GGCX: variants seen among roughly 807,000 people sequenced by gnomAD.
GGCX encodes the protein vitamin K-dependent gamma-carboxylase.
Under a neutral mutation model 88.5 loss-of-function variants are expected in GGCX, and 63 were observed. The ratio of observed to expected loss-of-function variants is 0.71; its 90% CI spans 0.58 to 0.88. The LOEUF is 0.88. Among genes scored for constraint, GGCX ranks in the 40% least tolerant of loss-of-function variants. GGCX has a pLI of 0.00. For missense variants in GGCX, 805 were observed against 932.9 expected (o/e 0.86, Z 1.79); for synonymous variants, 368 against 365.8 (o/e 1.01, Z -0.07).
rs982136375 is a variant in GGCX at position 85,551,513 on chromosome 2, C to T, written c.1707G>A (p.Lys569=). The change falls in exon 12 of 15, where the codon AAG becomes AAA. Residue 569 remains lysine, a synonymous_variant. Transcript: ENST00000233838. ...TTTCTCCCTCTCGAAGAGTCTGGTT[C>T]TTCTGTTCTGCCACAAGCTCCACAG... is the stretch of plus-strand genomic sequence containing the variant. ...EVTVELVAEQ[K]NQTLREGEKM... 3 of 1,614,104 alleles carry T rather than the reference C, an allele frequency of 1.9e-6. No homozygotes were observed. The highest frequency in any genetic ancestry group is 1.1e-5 in the South Asian group (1 of 91,066).
rs745689270 is a variant in GGCX at position 85,560,995 on chromosome 2, A to G, written c.44-10T>C. 5.0e-6 allele frequency: 8 copies of G among 1,609,324 alleles called. No homozygotes were observed. The highest frequency in any genetic ancestry group is 6.0e-6 in the Non-Finnish European group (7 of 1,175,630). ...TCTTTCTGTACTTTATCTGCAATCA[A>G]TAAATGGAGAAAATATGTGTGCGGG... On this transcript the variant is annotated splice_polypyrimidine_tract_variant and intron_variant, in intron 1 of 14. Coordinates refer to ENST00000233838, the MANE Select transcript of GGCX (RefSeq NM_000821.7).
At chr2:85,553,861 A>G (rs1420901061) in intron 7 of GGCX, 2 of 490,990 alleles carry the variant, frequency 4.1e-6, no homozygotes, top group East Asian at 8.0e-5. Flanking sequence ...TCGGCCTCCC[A>G]AAGTGCTAGG....
At position 85,548,610 on chromosome 2, in the gene GGCX, A is replaced by G. The variant is rs757965941; in HGVS notation, c.*1324T>C. On this transcript the variant is annotated 3_prime_UTR_variant, in exon 15 of 15. Transcript: ENST00000233838. ...GAAGAGAAGCCTGCAAAGAGATGCA[A>G]TCATTTACAGAAGTTACTGAGACTG... 1 of 152,204 alleles carries G rather than the reference A, an allele frequency of 6.6e-6. No individual in the cohort carries two copies. The highest frequency in any genetic ancestry group is 2.1e-4 in the South Asian group (1 of 4,826). 9.4% of individuals were successfully genotyped at this position (152,204 alleles called of 1,614,324 possible).
At chr2:85,554,453 GTTTGTTGTT>G (rs1692116189) in intron 6 of GGCX, 147 bp from the exon 7 acceptor site, 1 of 565,340 alleles carries the variant, frequency 1.8e-6, no homozygotes, top group African/African-American at 3.2e-5. Flanking sequence ...CCTCTAGGTT[GTTTGTTGTT>G]GTTGTTGTTG....
At chr2:85,558,813 C>T (rs1692314793) in intron 3 of GGCX, 104 bp downstream of exon 3, 1 of 1,081,064 alleles carries the variant, frequency 9.3e-7, no homozygotes, top group South Asian at 1.3e-5. Context: ...AAATTGATCA[C>T]AGCAGAAGTG....
chr2:85,551,133 C>T, intron 12 of GGCX, 61 bp from the exon 13 acceptor site: 1 of 1,467,506 alleles, frequency 6.8e-7, no homozygotes, highest in South Asian at 1.1e-5. Flanking sequence ...CTTATGGCCT[C>T]CCTACTCTAT....
Position 85,556,190 on chromosome 2 carries a change from G to C in GGCX, c.610C>G (p.Arg204Gly). The change falls in exon 5 of 15, where the codon CGT becomes GGT. Residue 204 changes from arginine (R) to glycine (G), a missense_variant. Arg to Gly is a moderately radical substitution (Grantham distance 125). Around this residue, in one of 3 missense-constraint regions of GGCX, gnomAD observed 680 missense variants for 763.7 expected, o/e 0.89. Coordinates refer to ENST00000233838, the MANE Select transcript of GGCX (RefSeq NM_000821.7). ...GTCCTAAAATGCTGTACCTGGCCAC[G>C]GAGCACTGCATAGTTCCAAAGGGGC... is the stretch of plus-strand genomic sequence containing the variant. ...HVPLWNYAVL[R>G]GQIFIVYFIA... 6.2e-7 allele frequency: 1 copy of C among 1,606,460 alleles called. No individual in the cohort carries two copies. The highest frequency in any genetic ancestry group is 1.1e-5 in the South Asian group (1 of 90,940).
chr2:85,559,798 T>C (rs537312839), intron 2 of GGCX, among the ~76,000 whole-genome samples: 260 of 152,248 alleles, frequency 1.7e-3, no homozygotes, highest in Non-Finnish European at 2.6e-3. Context: ...CCAAAAACAG[T>C]TGCATTTCGT....
At chr2:85,550,244 C>CT (rs1691872398) in intron 14 of GGCX, 118 bp from the exon 15 acceptor site, 5 of 768,964 alleles carry the variant, frequency 6.5e-6, no homozygotes, top group Admixed American at 4.0e-5. Flanking sequence ...ATATGGGAAT[C>CT]TCCCCCCAAG....
At position 85,554,216 on chromosome 2, in the gene GGCX, A is replaced by C; in HGVS notation, c.816T>G (p.Phe272Leu). ...LDLSAGFLLF[F>L]DVSRSIGLFF... ...ACAGGCCAATGGATCTTGAGACATC[A>C]AAAAAGAGCAGGAAACCAGCTGAGA... The change falls in exon 7 of 15, where the codon TTT becomes TTG. Residue 272 changes from phenylalanine (F) to leucine (L), a missense_variant. Transcript: ENST00000233838. 6.2e-7 allele frequency: 1 copy of C among 1,612,778 alleles called. No homozygotes were observed. The highest frequency in any genetic ancestry group is 8.5e-7 in the Non-Finnish European group (1 of 1,178,750).
chr2:85,553,652 T>A (rs1268555056), intron 7 of GGCX, 155 bp from the exon 8 acceptor site: 20 of 707,796 alleles, frequency 2.8e-5, no homozygotes, highest in Non-Finnish European at 4.9e-5. Flanking sequence ...CAGGCTGGAG[T>A]GCAGTGGCGT....
At chr2:85,554,009 A>G (rs1438104270) in intron 7 of GGCX, 134 bp downstream of exon 7, 18 of 761,830 alleles carry the variant, frequency 2.4e-5, no homozygotes, top group Non-Finnish European at 3.1e-5. Context: ...ATTTATGCCT[A>G]CTTCATAGTG....
At chr2:85,558,780 G>T in intron 3 of GGCX, 137 bp downstream of exon 3, 1 of 892,722 alleles carries the variant, frequency 1.1e-6, no homozygotes, top group East Asian at 2.5e-5. Flanking sequence ...CACAGCTTAA[G>T]TGACACACAG....
intron 4 of GGCX, among the ~76,000 whole-genome samples, chr2:85,557,845 T>C (rs932219784): frequency 6.6e-6 from 1 of 152,224 alleles, no homozygotes; most frequent in Admixed American, 6.5e-5. Context: ...TTGACACCTA[T>C]TTTATTACTT....
rs142607919 is a variant in GGCX, at chr2:85,546,534, A to C, written c.*3400T>G. The stretch of plus-strand genomic sequence containing the variant: ...GGTTTGATACCAGCCTGGCAAACTG[A>C]AACCCCGTCTCTACCAAAAATACAA... On this transcript the variant is annotated 3_prime_UTR_variant, in exon 15 of 15. Transcript: ENST00000233838. 7.7e-6 allele frequency: 1 copy of C among 129,588 alleles called. No individual in the cohort carries two copies. The highest frequency in any genetic ancestry group is 1.7e-5 in the Non-Finnish European group (1 of 60,086). The allele number at this position is 129,588 out of a possible 1,614,324, so 8.0% of individuals were successfully genotyped here. A position where few individuals can be genotyped will look rare whatever the true frequency, so the allele number is the denominator to read the frequency against.
rs199776922 is a variant in GGCX, at chr2:85,558,938, C to T, written c.352G>A (p.Val118Ile). ...TCACCCAGAAACATGATGGTGTAGA[C>T]AAGATACATCCAGTCAAGTGGCAGT... Reference protein sequence around the residue: ...RPLPLDWMYLVYTIMFLGALG... With the variant: ...RPLPLDWMYLIYTIMFLGALG... The change falls in exon 3 of 15, where the codon GTC becomes ATC. Residue 118 changes from valine to isoleucine, a missense_variant. This residue lies in a region of GGCX where 61 missense variants were observed against 111.9 expected (regional missense o/e 0.54). Coordinates refer to ENST00000233838, the MANE Select transcript of GGCX (RefSeq NM_000821.7). 3.7e-6 allele frequency: 6 copies of T among 1,613,788 alleles called. No homozygotes were observed. Among genetic ancestry groups the T allele is most frequent in the Non-Finnish European group, 4.2e-6 (5 of 1,179,868 alleles).
chr2:85,557,430 G>A (rs1196536950), intron 4 of GGCX, among the ~76,000 whole-genome samples: 3 of 152,194 alleles, frequency 2.0e-5, no homozygotes, highest in African/African-American at 7.2e-5. Context: ...TGAGGCTGCA[G>A]TGAGCTATGA....
chr2:85,551,174 T>G, intron 12 of GGCX, 102 bp from the exon 13 acceptor site: 1 of 1,198,430 alleles, frequency 8.3e-7, no homozygotes, highest in Non-Finnish European at 1.2e-6. Context: ...TCAATTGTGT[T>G]TTGGAATCGA....
At position 85,550,039 on chromosome 2, in the gene GGCX, G is replaced by T; in HGVS notation, c.2172C>A (p.Asn724Lys). Residue 724 changes from asparagine (N) to lysine (K), a missense_variant, in exon 15 of 15, where the codon AAC (asparagine) becomes AAA (lysine). This residue lies in a region of GGCX where 680 missense variants were observed against 763.7 expected (regional missense o/e 0.89). Coordinates refer to ENST00000233838, the MANE Select transcript of GGCX (RefSeq NM_000821.7). ...CTCCAACTGCCTCAAAGGGTCTCAA[G>T]TTTGCATAAGTCACCTCCTGGGCCA... ...EQLAQEVTYA[N>K]LRPFEAVGEL... The T allele has an allele frequency of 6.2e-7, 1 of 1,612,246 alleles. No homozygotes were observed.
Sources: allele counts gnomAD v4.1 joint callset (sites outside exome capture counted in the v4.1 genomes callset), GRCh38; gene constraint gnomAD v4.1.1; regional missense constraint gnomAD v4.1.1; transcripts MANE v1.5; gene names NCBI Gene and HGNC (gene_info 2026-07-23, HGNC 2026-07-21).